Variants in RAP1GDS1 observed in about 807,000 individuals in gnomAD.
RAP1GDS1 encodes the protein RAP1, GTP-GDP dissociation stimulator 1.
A neutral mutation model predicts 71.1 loss-of-function variants in RAP1GDS1; 35 were observed. The observed-to-expected ratio is 0.49, with a 90% CI of 0.38 to 0.65. RAP1GDS1 has a LOEUF of 0.65. Among genes scored for constraint, RAP1GDS1 ranks in the 30% least tolerant of loss-of-function variants. RAP1GDS1 has a pLI of 0.00. For synonymous variants in RAP1GDS1, 229 were observed against 243.1 expected, an observed-to-expected ratio of 0.94 and a Z score of 0.54; for missense variants, 663 against 706.1, an observed-to-expected ratio of 0.94 and a Z score of 0.69.
chr4:98,291,217 T>C (rs1342702146), intron 1 of RAP1GDS1, among the ~76,000 whole-genome samples: 1 of 152,158 alleles, frequency 6.6e-6, no homozygotes, highest in Non-Finnish European at 1.5e-5. Context: ...CTCAGAATTT[T>C]AATGACCAAG....
intron 11 of RAP1GDS1, 145 bp from the exon 12 acceptor site, chr4:98,421,110 C>G: frequency 1.2e-6 from 1 of 854,568 alleles, no homozygotes; most frequent in East Asian, 2.8e-5. Context: ...TAGCCCATCA[C>G]ATAAGGAATA....
At chr4:98,290,038 T>C (rs1726702147) in intron 1 of RAP1GDS1, among the ~76,000 whole-genome samples, 1 of 152,098 alleles carries the variant, frequency 6.6e-6, no homozygotes, top group African/African-American at 2.4e-5. Context: ...CTTGAACTTT[T>C]ACAAGCTCAG....
intron 2 of RAP1GDS1, among the ~76,000 whole-genome samples, chr4:98,294,655 A>G (rs1027725080): frequency 3.9e-5 from 6 of 152,084 alleles, no homozygotes; most frequent in African/African-American, 1.4e-4. Context: ...TAATACAAGT[A>G]AATAAAATGT....
rs1414542985 is a variant in RAP1GDS1, at chr4:98,426,833, G to C, written c.1440+5439G>C. 4.6e-5 allele frequency among the ~76,000 whole-genome samples: 7 copies of C among 152,028 alleles called. 1 individual carries two copies. Among genetic ancestry groups the C allele is most frequent in the Admixed American group, 4.6e-4 (7 of 15,262 alleles). On this transcript the variant is annotated intron_variant, in intron 12 of 14. Transcript: ENST00000408927. Reference sequence around the variant, plus strand: ...CAATCCTATTGACACTATTCCAAAAGATAGAGAAAGAGGGAATCCTCCCCA... The same window carrying C: ...CAATCCTATTGACACTATTCCAAAACATAGAGAAAGAGGGAATCCTCCCCA...
Position 98,422,800 on chromosome 4 carries a change from G to A in RAP1GDS1, c.1440+1406G>A, listed in dbSNP as rs139130632. Among the ~76,000 whole-genome samples the A allele has an allele frequency of 1.8e-3, 274 of 152,232 alleles. 4 individuals carry two copies. Among genetic ancestry groups the A allele is most frequent in the Middle Eastern group, 0.014 (4 of 294 alleles). On this transcript the variant is annotated intron_variant, in intron 12 of 14. Transcript: ENST00000408927. ...TGCTAAATCTTGAGAACTTTCCCTG[G>A]GGAAAAGCAGCTGTTAACTAGGACC...
intron 4 of RAP1GDS1, among the ~76,000 whole-genome samples, chr4:98,366,569 A>G (rs1739524674): frequency 6.6e-6 from 1 of 152,216 alleles, no homozygotes; most frequent in Non-Finnish European, 1.5e-5. Context: ...AGAAGAAGAC[A>G]GGAAAATGTA....
At chr4:98,314,088 A>G (rs1332204977) in intron 2 of RAP1GDS1, among the ~76,000 whole-genome samples, 1 of 152,198 alleles carries the variant, frequency 6.6e-6, no homozygotes, top group Admixed American at 6.5e-5. Context: ...AGGAGCAAGC[A>G]GAATGTTTTT....
Position 98,307,696 on chromosome 4 carries a change from G to A in RAP1GDS1, c.112+14181G>A, listed in dbSNP as rs1451628667. Among the ~76,000 whole-genome samples the A allele has an allele frequency of 2.6e-5, 4 of 152,076 alleles. No individual in the cohort carries two copies. In the East Asian group the frequency reaches 5.8e-4, roughly 22 times the overall value. On this transcript the variant is annotated intron_variant, in intron 2 of 14. Transcript: ENST00000408927. Reference sequence around the variant, plus strand: ...ATTGTTAGAGATTATTGTGAAAGATGTCTTGATTTTTATATTTTTGTATGT... The same window carrying A: ...ATTGTTAGAGATTATTGTGAAAGATATCTTGATTTTTATATTTTTGTATGT...
intron 7 of RAP1GDS1, among the ~76,000 whole-genome samples, chr4:98,413,030 G>T (rs967299465): frequency 6.6e-6 from 1 of 152,040 alleles, no homozygotes; most frequent in African/African-American, 2.4e-5. Flanking sequence ...AACAGCGTTC[G>T]AGAGCAGAGA....
chr4:98,412,283 C>T (rs1344347116), intron 7 of RAP1GDS1, among the ~76,000 whole-genome samples: 2 of 152,048 alleles, frequency 1.3e-5, no homozygotes, highest in African/African-American at 4.8e-5. Flanking sequence ...GAGGCCAAGG[C>T]AGGAAGATTG....
In RAP1GDS1 at chr4:98,343,212, T is replaced by C; in HGVS notation, c.186T>C (p.Ser62=). Reference sequence around the variant, plus strand: ...TTGCAAGTCTGTTGACTCCACAGTCTTCCTGCAAAGCCAAAGTAGCTAACA... The same window carrying C: ...TTGCAAGTCTGTTGACTCCACAGTCCTCCTGCAAAGCCAAAGTAGCTAACA... ...QLFASLLTPQ[S]SCKAKVANII... is the part of the protein sequence containing the mutation. The change falls in exon 3 of 15, where the codon TCT becomes TCC. Residue 62 remains serine, a synonymous_variant. Transcript: ENST00000408927. 19 of 1,606,160 alleles carry C rather than the reference T, an allele frequency of 1.2e-5. 1 individual carries two copies. The highest frequency in any genetic ancestry group is 1.5e-5 in the Non-Finnish European group (18 of 1,172,802).
At chr4:98,389,220 T>C (rs1265126736) in intron 5 of RAP1GDS1, among the ~76,000 whole-genome samples, 2 of 152,146 alleles carry the variant, frequency 1.3e-5, no homozygotes, top group African/African-American at 4.8e-5. Flanking sequence ...CCAGGGACAC[T>C]TTTTGAGAAC....
intron 1 of RAP1GDS1, among the ~76,000 whole-genome samples, chr4:98,270,722 A>AC (rs975458061): frequency 3.4e-5 from 5 of 148,480 alleles, no homozygotes; most frequent in Non-Finnish European, 6.0e-5. Context: ...TTCCATGTGG[A>AC]TTTTTTTTTT....
At chr4:98,406,161 C>T (rs1746083946) in intron 7 of RAP1GDS1, among the ~76,000 whole-genome samples, 1 of 151,874 alleles carries the variant, frequency 6.6e-6, no homozygotes, top group African/African-American at 2.4e-5. Flanking sequence ...AAAAGGAACA[C>T]GAATCATAGA....
Position 98,443,256 on chromosome 4 carries a change from TTCCCAC to T in RAP1GDS1, c.*1141_*1146del. 4.3e-6 allele frequency: 1 copy of T among 232,476 alleles called. No homozygotes were observed. The allele number at this position is 232,476 out of a possible 1,614,324, so 14.4% of individuals were successfully genotyped here. ...GCTGTTAGAGTTTGCCACCTCCACT[TTCCCAC>T]TGAGAACTGCAGCAATTTTAAAGGA... is the stretch of plus-strand genomic sequence containing the variant. On this transcript the variant is annotated 3_prime_UTR_variant, in exon 15 of 15. Transcript: ENST00000408927.
At chr4:98,335,788 C>T (rs1196481857) in intron 2 of RAP1GDS1, among the ~76,000 whole-genome samples, 6 of 141,672 alleles carry the variant, frequency 4.2e-5, no homozygotes, top group African/African-American at 1.6e-4. Context: ...GACTTCTTAC[C>T]TTTTTTTTTT....
intron 5 of RAP1GDS1, among the ~76,000 whole-genome samples, chr4:98,391,316 C>A (rs1322642939): frequency 6.6e-6 from 1 of 152,090 alleles, no homozygotes; most frequent in East Asian, 1.9e-4. Flanking sequence ...ACTTTCCTCT[C>A]TCTTACTGAG....
At chr4:98,348,402 T>C (rs957314093) in intron 3 of RAP1GDS1, among the ~76,000 whole-genome samples, 14 of 152,230 alleles carry the variant, frequency 9.2e-5, no homozygotes, top group East Asian at 3.8e-4. Flanking sequence ...GTTTTTGCTA[T>C]TATGAATAGT....
At chr4:98,272,557 TG>T (rs1723628093) in intron 1 of RAP1GDS1, among the ~76,000 whole-genome samples, 1 of 152,176 alleles carries the variant, frequency 6.6e-6, no homozygotes, top group African/African-American at 2.4e-5. Context: ...GGGCCCTTTC[TG>T]TTGACCAGTG....
Sources: allele counts gnomAD v4.1 joint callset (sites outside exome capture counted in the v4.1 genomes callset), GRCh38; gene constraint gnomAD v4.1.1; transcripts MANE v1.5; gene names NCBI Gene and HGNC (gene_info 2026-07-23, HGNC 2026-07-21).